The following NEGR1 variants were observed in gnomAD, a reference collection of about 807,000 sequenced individuals.
The protein encoded by NEGR1 is IgLON family member 4.
Under a neutral mutation model 40.9 loss-of-function variants are expected in NEGR1, and 10 were observed. The observed-to-expected ratio is 0.24, with a 90% CI of 0.15 to 0.42. NEGR1 has a LOEUF of 0.42. Ranked by LOEUF, NEGR1 falls within the 10% of genes least tolerant of loss-of-function variation. The pLI is 1.00. For synonymous variants in NEGR1, 185 were observed against 166.8 expected (o/e 1.11, Z -0.84); for missense variants, 352 against 438.9 (o/e 0.80, Z 1.77).
At chr1:71,490,598 T>C (rs1003959309) in intron 6 of NEGR1, among the ~76,000 whole-genome samples, 1 of 151,972 alleles carries the variant, frequency 6.6e-6, no homozygotes, top group Non-Finnish European at 1.5e-5. Flanking sequence ...GTGATTGCTT[T>C]ACAAAAGAGC....
Position 71,990,595 on chromosome 1 carries a change from G to A in NEGR1, c.177-55284C>T, listed in dbSNP as rs78995303. ...TTGATTTACATAAGTTTGGATAATAGTGTGGTTTCCATCATTTACTCCTGG... is the reference window on the plus strand; with the variant it reads ...TTGATTTACATAAGTTTGGATAATAATGTGGTTTCCATCATTTACTCCTGG... On this transcript the variant is annotated intron_variant, in intron 1 of 6. Coordinates refer to ENST00000357731, the MANE Select transcript of NEGR1 (RefSeq NM_173808.3). 6.2e-3 allele frequency among the ~76,000 whole-genome samples: 951 copies of A among 152,186 alleles called. 15 individuals carry two copies. Among genetic ancestry groups the A allele is most frequent in the African/African-American group, 0.022 (908 of 41,546 alleles).
intron 6 of NEGR1, among the ~76,000 whole-genome samples, chr1:71,573,912 AC>A (rs1238201155): frequency 1.3e-5 from 2 of 152,136 alleles, no homozygotes; most frequent in Non-Finnish European, 2.9e-5. Context: ...GGATACACCT[AC>A]CATTTTTATC....
At chr1:72,112,530 T>A (rs1018126844) in intron 1 of NEGR1, among the ~76,000 whole-genome samples, 3 of 151,810 alleles carry the variant, frequency 2.0e-5, no homozygotes, top group Non-Finnish European at 2.9e-5. Flanking sequence ...AATATTATGA[T>A]ACATTTGTGA....
intron 6 of NEGR1, among the ~76,000 whole-genome samples, chr1:71,579,466 T>C (rs957746917): frequency 1.7e-4 from 26 of 152,202 alleles, no homozygotes; most frequent in African/African-American, 6.3e-4. Context: ...ATGACATTAC[T>C]GGTTAATCTT....
intron 4 of NEGR1, among the ~76,000 whole-genome samples, chr1:71,661,564 T>C (rs1652055748): frequency 1.3e-5 from 2 of 152,200 alleles, no homozygotes; most frequent in South Asian, 2.1e-4. Context: ...ATGACACAAA[T>C]ATTATGTATA....
chr1:72,042,302 C>T (rs936368787), intron 1 of NEGR1, among the ~76,000 whole-genome samples: 9 of 151,678 alleles, frequency 5.9e-5, no homozygotes, highest in African/African-American at 1.9e-4. Flanking sequence ...AGAAAGCCAG[C>T]CTGGGATGAC....
At chr1:71,452,335 T>G (rs778374460) in intron 6 of NEGR1, among the ~76,000 whole-genome samples, 1 of 152,212 alleles carries the variant, frequency 6.6e-6, no homozygotes, top group African/African-American at 2.4e-5. Context: ...TTTTAACAAG[T>G]TTTCTTGTTA....
Position 71,467,442 on chromosome 1 carries a change from T to TA in NEGR1, c.941-59873dup, listed in dbSNP as rs200639001. 4.2e-3 allele frequency among the ~76,000 whole-genome samples: 647 copies of TA among 152,242 alleles called. 9 individuals carry two copies. The South Asian group carries it at 0.053, about 12-fold the overall frequency. ...AATTTCAATAATGCTTTAGTAACAA[T>TA]ATACTAAAGGATTCCTTCATTTTTC... On this transcript the variant is annotated intron_variant, in intron 6 of 6. Coordinates refer to ENST00000357731, the MANE Select transcript of NEGR1 (RefSeq NM_173808.3).
At chr1:71,949,335 G>T (rs1177797077) in intron 1 of NEGR1, among the ~76,000 whole-genome samples, 1 of 152,010 alleles carries the variant, frequency 6.6e-6, no homozygotes, top group Admixed American at 6.6e-5. Flanking sequence ...GGTTTGCACT[G>T]CCCTAGCATA....
At chr1:71,847,256 G>T (rs1022395386) in intron 2 of NEGR1, among the ~76,000 whole-genome samples, 3 of 152,188 alleles carry the variant, frequency 2.0e-5, no homozygotes, top group African/African-American at 7.2e-5. Context: ...ATGATAAATA[G>T]AAATTGCATA....
chr1:71,446,279 G>T (rs576524781), intron 6 of NEGR1, among the ~76,000 whole-genome samples: 1 of 152,240 alleles, frequency 6.6e-6, no homozygotes, highest in East Asian at 1.9e-4. Context: ...GTACCAAATA[G>T]ATTCCTGTTT....
At chr1:71,637,755 A>C (rs1034263402) in intron 4 of NEGR1, among the ~76,000 whole-genome samples, 1 of 151,926 alleles carries the variant, frequency 6.6e-6, no homozygotes, top group African/African-American at 2.4e-5. Flanking sequence ...ACACAGAGGG[A>C]GACAAAGAAG....
chr1:71,969,452 C>A (rs1442761381), intron 1 of NEGR1, among the ~76,000 whole-genome samples: 1 of 152,190 alleles, frequency 6.6e-6, no homozygotes, highest in African/African-American at 2.4e-5. Flanking sequence ...CTAGAAAAAG[C>A]ATATGGGTAA....
At chr1:72,197,945 G>T (rs1028096737) in intron 1 of NEGR1, among the ~76,000 whole-genome samples, 4 of 151,788 alleles carry the variant, frequency 2.6e-5, no homozygotes, top group Admixed American at 2.6e-4. Context: ...ATTTTTTGTT[G>T]TATGTGTCAA....
intron 1 of NEGR1, among the ~76,000 whole-genome samples, chr1:72,250,259 T>C (rs1407696130): frequency 1.3e-5 from 2 of 151,958 alleles, no homozygotes; most frequent in Non-Finnish European, 2.9e-5. Context: ...TTCTCTCCCT[T>C]CCCAACAGCA....
chr1:71,871,265 T>TCTCAGAAGCAAGTGAC (rs1660268707), intron 2 of NEGR1, among the ~76,000 whole-genome samples: 2 of 152,156 alleles, frequency 1.3e-5, no homozygotes, highest in Non-Finnish European at 2.9e-5. Context: ...CTAGGGGTGA[T>TCTCAGAAGCAAGTGAC]CTCAGAAGCA....
chr1:72,265,758 T>A (rs930774829), intron 1 of NEGR1, among the ~76,000 whole-genome samples: 9 of 150,954 alleles, frequency 6.0e-5, no homozygotes, highest in Admixed American at 4.0e-4. Flanking sequence ...TTAAAAATAA[T>A]TTTCTTAATA....
At chr1:72,267,940 T>C (rs1011009227) in intron 1 of NEGR1, among the ~76,000 whole-genome samples, 6 of 150,898 alleles carry the variant, frequency 4.0e-5, no homozygotes, top group Admixed American at 2.0e-4. Context: ...AATCCATGTA[T>C]AAAAGTATTA....
intron 2 of NEGR1, among the ~76,000 whole-genome samples, chr1:71,887,489 T>G (rs952021750): frequency 3.3e-5 from 5 of 152,240 alleles, no homozygotes; most frequent in African/African-American, 1.2e-4. Flanking sequence ...TTTTTTAACC[T>G]TAATTTTCAT....
Sources: allele counts gnomAD v4.1 joint callset (sites outside exome capture counted in the v4.1 genomes callset), GRCh38; gene constraint gnomAD v4.1.1; transcripts MANE v1.5; gene names NCBI Gene and HGNC (gene_info 2026-07-23, HGNC 2026-07-21).